Variants in PLEKHA8 observed in about 807,000 individuals in gnomAD.
PLEKHA8 encodes pleckstrin homology domain-containing family A member 8.
In PLEKHA8, 36 loss-of-function variants were observed where a neutral mutation model predicts 68.2. That is an observed-to-expected ratio of 0.53 (90% CI 0.40 to 0.70). PLEKHA8 has a LOEUF of 0.70. Among genes scored for constraint, PLEKHA8 ranks in the 30% least tolerant of loss-of-function variants. The probability of loss-of-function intolerance (pLI) is 0.00; values close to 1 mark genes in which losing one functional copy is unlikely to be tolerated. For missense variants in PLEKHA8, 505 were observed against 615.4 expected, an observed-to-expected ratio of 0.82 and a Z score of 1.90; for synonymous variants, 211 against 216.1, an observed-to-expected ratio of 0.98 and a Z score of 0.20.
chr7:30,128,190 T>C (rs1796814665), intron 13 of PLEKHA8, among the ~76,000 whole-genome samples: 1 of 151,088 alleles, frequency 6.6e-6, no homozygotes, highest in Non-Finnish European at 1.5e-5. Flanking sequence ...CACTGCAGAC[T>C]CAACCTCCTG....
At chr7:30,127,263 G>T (rs1041959723) in intron 13 of PLEKHA8, among the ~76,000 whole-genome samples, 9 of 152,172 alleles carry the variant, frequency 5.9e-5, no homozygotes, top group Non-Finnish European at 1.0e-4. Flanking sequence ...ACTGGCTGGT[G>T]TCTGGCTTAT....
chr7:30,069,943 T>G (rs1179751237), intron 12 of PLEKHA8: 1 of 152,146 alleles, frequency 6.6e-6, no homozygotes, highest in African/African-American at 2.4e-5. Context: ...CCAAAAATAC[T>G]CCCAGATTAT....
intron 12 of PLEKHA8, among the ~76,000 whole-genome samples, chr7:30,089,973 A>G (rs1795347459): frequency 6.6e-6 from 1 of 152,252 alleles, no homozygotes; most frequent in Admixed American, 6.5e-5. Flanking sequence ...AATTTTAAAA[A>G]CAGGGATTCG....
chr7:30,111,155 C>T (rs377392397), intron 13 of PLEKHA8, among the ~76,000 whole-genome samples: 20 of 152,210 alleles, frequency 1.3e-4, no homozygotes, highest in South Asian at 8.3e-4. Context: ...CCACCCACCT[C>T]GGCCTCCCAA....
rs529863172 is a variant in PLEKHA8, at chr7:30,028,840, C to T, written c.40+38C>T. 9 of 1,251,434 alleles carry T rather than the reference C, an allele frequency of 7.2e-6. No individual in the cohort carries two copies. The East Asian group carries it at 1.9e-4, about 26-fold the overall frequency. The allele number at this position is 1,251,434 out of a possible 1,614,324, so 77.5% of individuals were successfully genotyped here. A position where few individuals can be genotyped will look rare whatever the true frequency, so the allele number is the denominator to read the frequency against. On this transcript the variant is annotated intron_variant, in intron 1 of 13. Coordinates refer to ENST00000449726, the MANE Select transcript of PLEKHA8 (RefSeq NM_001197026.2). ...GCCGGGCCGGGGGCGCGCCGGGGGC[C>T]GGTCCTTTGTCTGCGCGGCTGGAGG...
At position 30,110,967 on chromosome 7, in the gene PLEKHA8, C is replaced by T. The variant is rs369245525; in HGVS notation, c.1363-18299C>T. On this transcript the variant is annotated intron_variant, in intron 13 of 13. Coordinates refer to the PLEKHA8 transcript ENST00000396257. ...TTGCCCAGACTGGAGTGCAGTGGCG[C>T]GATCTTGGCGCACTGCAACCTCTGC... is the stretch of plus-strand genomic sequence containing the variant. Among the ~76,000 whole-genome samples the T allele has an allele frequency of 5.3e-5, 8 of 150,966 alleles. No homozygotes were observed. In the East Asian group the frequency reaches 1.2e-3, roughly 22 times the overall value.
At position 30,051,162 on chromosome 7, in the gene PLEKHA8, A is replaced by T. The variant is rs577092881; in HGVS notation, c.638+688A>T. Among the ~76,000 whole-genome samples the T allele has an allele frequency of 2.7e-3, 406 of 152,286 alleles. 2 individuals carry two copies. Among genetic ancestry groups the T allele is most frequent in the African/African-American group, 9.5e-3 (396 of 41,568 alleles). On this transcript the variant is annotated intron_variant, in intron 6 of 13. Transcript: ENST00000449726. ...CAATTCACCCGCCTTGGTCTCCCCAAGTATTGGTATTACAGGCTTGAGCCA... is the reference window on the plus strand; with the variant it reads ...CAATTCACCCGCCTTGGTCTCCCCATGTATTGGTATTACAGGCTTGAGCCA...
Position 30,099,558 on chromosome 7 carries a change from A to G in PLEKHA8, c.1362+25426A>G, listed in dbSNP as rs373000070. Among the ~76,000 whole-genome samples, 9 of 152,300 alleles carry G rather than the reference A, an allele frequency of 5.9e-5. No individual in the cohort carries two copies. In the East Asian group the frequency reaches 1.5e-3, roughly 26 times the overall value. On this transcript the variant is annotated intron_variant, in intron 13 of 13. Coordinates refer to the PLEKHA8 transcript ENST00000396257. ...GTTCCTTGGCACTCTTTTGGCTGCA[A>G]ATGACCAAAGACCTAAGTAATGCTG...
chr7:30,093,534 G>T (rs1440878737), downstream of PLEKHA8, among the ~76,000 whole-genome samples: 1 of 152,218 alleles, frequency 6.6e-6, no homozygotes, highest in African/African-American at 2.4e-5. Flanking sequence ...TCCCAGCACT[G>T]CCACACCCTC....
At chr7:30,091,168 A>C (rs1562544207), downstream of PLEKHA8, among the ~76,000 whole-genome samples, 1 of 151,976 alleles carries the variant, frequency 6.6e-6, no homozygotes, top group South Asian at 2.1e-4. Flanking sequence ...TATTTCCTCT[A>C]TCTCTCTATC....
In PLEKHA8 at chr7:30,079,221, C is replaced by G; in HGVS notation, c.*434C>G. On this transcript the variant is annotated 3_prime_UTR_variant, in exon 14 of 14. Transcript: ENST00000449726. ...ACTAGACATTTGGAGGTAGTATAAGCTGCTTTGTTGAAGCTGTGTAGAGTT... is the reference window on the plus strand; with the variant it reads ...ACTAGACATTTGGAGGTAGTATAAGGTGCTTTGTTGAAGCTGTGTAGAGTT... The G allele has an allele frequency of 1.0e-6, 1 of 1,000,134 alleles. No homozygotes were observed. The highest frequency in any genetic ancestry group is 4.4e-5 in the South Asian group (1 of 22,852). 62.0% of individuals were successfully genotyped at this position (1,000,134 alleles called of 1,614,324 possible).
intron 13 of PLEKHA8, among the ~76,000 whole-genome samples, chr7:30,097,839 C>T (rs1795680648): frequency 6.6e-6 from 1 of 152,200 alleles, no homozygotes; most frequent in African/African-American, 2.4e-5. Flanking sequence ...CAAAGTCATT[C>T]TCTGTCCAGC....
intron 9 of PLEKHA8, 128 bp from the exon 10 acceptor site, chr7:30,060,756 T>C (rs537153561): frequency 1.3e-4 from 95 of 710,652 alleles, no homozygotes; most frequent in Non-Finnish European, 1.9e-4. Context: ...AGATTATGTT[T>C]AGATAAATGA....
chr7:30,060,871 T>A lies in PLEKHA8; in HGVS notation c.1040-13T>A. On this transcript the variant is annotated splice_polypyrimidine_tract_variant and intron_variant, in intron 9 of 13. Transcript: ENST00000449726. Reference sequence around the variant, plus strand: ...ATTGCTTTTTCAGAAATGTTTTTAATCTTTTCTTCTAGACAAACTTGGCCC... The same window carrying A: ...ATTGCTTTTTCAGAAATGTTTTTAAACTTTTCTTCTAGACAAACTTGGCCC... The A allele has an allele frequency of 6.2e-7, 1 of 1,605,642 alleles. No individual in the cohort carries two copies. Among genetic ancestry groups the A allele is most frequent in the Non-Finnish European group, 8.5e-7 (1 of 1,177,346 alleles).
intron 1 of PLEKHA8, among the ~76,000 whole-genome samples, chr7:30,042,167 C>G (rs906466106): frequency 1.3e-5 from 2 of 152,176 alleles, no homozygotes; most frequent in Non-Finnish European, 2.9e-5. Flanking sequence ...TTCATTGGTT[C>G]TTCTTGGGTC....
chr7:30,056,278 T>TTCTCTCTCTCTCTCTCTCTCTC (rs761685260), intron 9 of PLEKHA8, among the ~76,000 whole-genome samples: 3 of 56,384 alleles, frequency 5.3e-5, no homozygotes, highest in Admixed American at 2.2e-4. Context: ...TAAAGATATA[T>TTCTCTCTCTCTCTCTCTCTCTC]TCTCTCTCTC....
Position 30,083,439 on chromosome 7 carries a change from C to T in PLEKHA8, c.*4652C>T, listed in dbSNP as rs1795041875. On this transcript the variant is annotated 3_prime_UTR_variant, in exon 14 of 14. Transcript: ENST00000449726. ...AAATATACTGTTTACTAGACCTTCC[C>T]TGTAAATGTTCCCAATTCCCATCCT... is the stretch of plus-strand genomic sequence containing the variant. The T allele has an allele frequency of 2.4e-5, 24 of 985,098 alleles. No individual in the cohort carries two copies. In the South Asian group the frequency reaches 8.0e-4, roughly 33 times the overall value. 61.0% of individuals were successfully genotyped at this position (985,098 alleles called of 1,614,324 possible).
intron 2 of PLEKHA8, 81 bp downstream of exon 2, chr7:30,045,282 C>A: frequency 1.0e-6 from 1 of 987,164 alleles, no homozygotes; most frequent in Non-Finnish European, 1.6e-6. Flanking sequence ...CCCCTGCATA[C>A]CTTTCTCTGC....
chr7:30,123,606 T>G (rs1252163351), intron 13 of PLEKHA8, among the ~76,000 whole-genome samples: 3 of 152,178 alleles, frequency 2.0e-5, no homozygotes, highest in Admixed American at 1.3e-4. Context: ...ATCAGGCACT[T>G]AGACAGAAGG....
Sources: allele counts gnomAD v4.1 joint callset (sites outside exome capture counted in the v4.1 genomes callset), GRCh38; gene constraint gnomAD v4.1.1; transcripts MANE v1.5; gene names NCBI Gene and HGNC (gene_info 2026-07-23, HGNC 2026-07-21).